KIF1B: variants seen among roughly 807,000 people sequenced by gnomAD.
KIF1B encodes kinesin family member 1B, also known as kinesin-like protein KIF1B.
KIF1B carries 76 observed loss-of-function variants against 241.9 expected under a neutral mutation model. The ratio of observed to expected loss-of-function variants is 0.31; its 90% confidence interval spans 0.26 to 0.38. The LOEUF (loss-of-function observed/expected upper bound fraction) is 0.38. Ranked by LOEUF, KIF1B falls within the 10% of genes least tolerant of loss-of-function variation. KIF1B has a pLI of 1.00. For synonymous variants in KIF1B, 750 were observed against 796.7 expected, an observed-to-expected ratio of 0.94 and a Z score of 0.99; for missense variants, 1,622 against 2,271.4, an observed-to-expected ratio of 0.71 and a Z score of 5.81.
In KIF1B at chr1:10,343,290, G is replaced by T; in HGVS notation, c.3688+3G>T. 1 of 1,614,092 alleles carries T rather than the reference G, an allele frequency of 6.2e-7. No individual in the cohort carries two copies. The highest frequency in any genetic ancestry group is 8.5e-7 in the Non-Finnish European group (1 of 1,179,960). ...ACCCATGCCACTGTCCAAGCCAGGT[G>T]AGCACTCGCTCCGCTTTTTGCATGA... On this transcript the variant is annotated splice_donor_region_variant and intron_variant, in intron 34 of 48. Coordinates refer to ENST00000676179, the MANE Select transcript of KIF1B (RefSeq NM_001365951.3).
chr1:10,365,585 C>T lies in KIF1B; in HGVS notation c.4689C>T (p.Ser1563=). The change falls in exon 43 of 49, where the codon AGC becomes AGT. Residue 1563 remains serine, a synonymous_variant. Transcript: ENST00000676179. The surrounding 1 kb of genome is among the most constrained non-coding windows in gnomAD (Gnocchi z 4.0). Reference sequence around the variant, plus strand: ...AAAGCGCCATCACACCTAGCGAGAGCAGTGGCTATGATTCAGGAGACATCG... The same window carrying T: ...AAAGCGCCATCACACCTAGCGAGAGTAGTGGCTATGATTCAGGAGACATCG... ...TFESAITPSE[S]SGYDSGDIES... 6.2e-7 allele frequency: 1 copy of T among 1,614,174 alleles called. No homozygotes were observed.
At chr1:10,260,821 C>T (rs1199521083) in intron 4 of KIF1B, among the ~76,000 whole-genome samples, 1 of 149,846 alleles carries the variant, frequency 6.7e-6, no homozygotes, top group African/African-American at 2.5e-5. Flanking sequence ...GAGCTGAGAT[C>T]GCGCCATTGC....
intron 32 of KIF1B, 107 bp downstream of exon 32, chr1:10,339,966 G>T (rs1350278594): frequency 3.2e-6 from 3 of 928,870 alleles, no homozygotes; most frequent in Non-Finnish European, 5.2e-6. Context: ...CTGTGCAGGG[G>T]GAGAGTAGAC....
chr1:10,355,924 T>C (rs755037318), intron 38 of KIF1B, among the ~76,000 whole-genome samples: 2 of 152,210 alleles, frequency 1.3e-5, no homozygotes, highest in African/African-American at 2.4e-5. Context: ...CTGTCAGGGC[T>C]GCTTGTTTTA....
At chr1:10,255,338 C>G (rs1178775646) in intron 2 of KIF1B, among the ~76,000 whole-genome samples, 1 of 152,012 alleles carries the variant, frequency 6.6e-6, no homozygotes, top group African/African-American at 2.4e-5. Context: ...GCCTGTAATC[C>G]CAGCAGTTAG....
In KIF1B at chr1:10,378,341, C is replaced by T. The variant is rs1228330591; in HGVS notation, c.*1754C>T. ...ACAGTCTTCTTTCCTTCTGACAGAC[C>T]AGGTCATCTGGCTTCCGAGATCATC... On this transcript the variant is annotated 3_prime_UTR_variant, in exon 49 of 49. Transcript: ENST00000676179. 1.4e-6 allele frequency: 1 copy of T among 717,898 alleles called. No individual in the cohort carries two copies. Among genetic ancestry groups the T allele is most frequent in the Non-Finnish European group, 2.6e-6 (1 of 385,196 alleles). 44.5% of individuals were successfully genotyped at this position (717,898 alleles called of 1,614,324 possible). A position where few individuals can be genotyped will look rare whatever the true frequency, so the allele number is the denominator to read the frequency against.
intron 1 of KIF1B, among the ~76,000 whole-genome samples, chr1:10,231,158 C>T (rs543970770): frequency 5.3e-5 from 8 of 152,150 alleles, no homozygotes; most frequent in Admixed American, 3.9e-4. Flanking sequence ...TGCAGTGAGC[C>T]GAGGTCGTGC....
intron 48 of KIF1B, 56 bp downstream of exon 48, chr1:10,375,429 C>T (rs1259112249): frequency 2.1e-6 from 3 of 1,448,314 alleles, no homozygotes; most frequent in Admixed American, 1.7e-5. Context: ...CACTTTTTCT[C>T]CCTGAAGTGC....
At position 10,304,657 on chromosome 1, in the gene KIF1B, T is replaced by C. The variant is rs772485257; in HGVS notation, c.2115+7411T>C. On this transcript the variant is annotated intron_variant, in intron 22 of 48. Transcript: ENST00000676179. ...AGAAACCACAGTATAAATCAGTTAC[T>C]GGACAAACTTGAAATCATGGTGGAA... is the stretch of plus-strand genomic sequence containing the variant. 19 of 1,613,428 alleles carry C rather than the reference T, an allele frequency of 1.2e-5. No homozygotes were observed. In the African/African-American group the frequency reaches 1.5e-4, roughly 12 times the overall value.
rs1652220563 is a variant in KIF1B, at chr1:10,337,417, G to A, written c.3306G>A (p.Gly1102=). ...TGGATGGTAAGATGGTAATGGAAGG[G>A]TTTTCTGAAGAGATTGGCAACCACC... ...TLLDGKMVME[G]FSEEIGNHLK... Residue 1102 remains glycine, a synonymous_variant, in exon 31 of 49, where the codon GGG becomes GGA. Coordinates refer to ENST00000676179, the MANE Select transcript of KIF1B (RefSeq NM_001365951.3). The surrounding 1 kb of genome is among the most constrained non-coding windows in gnomAD (Gnocchi z 4.0). 6.2e-7 allele frequency: 1 copy of A among 1,614,082 alleles called. No individual in the cohort carries two copies. Among genetic ancestry groups the A allele is most frequent in the Admixed American group, 1.7e-5 (1 of 60,012 alleles).
intron 6 of KIF1B, 104 bp downstream of exon 6, chr1:10,267,662 T>C: frequency 9.2e-7 from 1 of 1,087,130 alleles, no homozygotes; most frequent in African/African-American, 1.6e-5. Context: ...GAAAGTTGCT[T>C]TAATTGTGGA....
At chr1:10,236,044 G>A (rs1306275409) in intron 2 of KIF1B, among the ~76,000 whole-genome samples, 2 of 151,926 alleles carry the variant, frequency 1.3e-5, no homozygotes, top group Admixed American at 1.3e-4. Context: ...AGGCTGACGC[G>A]GATGGATCAC....
At position 10,352,794 on chromosome 1, in the gene KIF1B, C is replaced by T. The variant is rs139805541; in HGVS notation, c.4055+58C>T. The stretch of plus-strand genomic sequence containing the variant: ...CACTTGCAGGCGTTAATTGGTACAC[C>T]GTTAGGTGCCTTATTCATTAATGAC... On this transcript the variant is annotated intron_variant, in intron 38 of 48. Coordinates refer to ENST00000676179, the MANE Select transcript of KIF1B (RefSeq NM_001365951.3). 62 of 1,184,586 alleles carry T rather than the reference C, an allele frequency of 5.2e-5. No homozygotes were observed. In the Middle Eastern group the frequency reaches 7.7e-4, roughly 15 times the overall value. The allele number at this position is 1,184,586 out of a possible 1,614,324, so 73.4% of individuals were successfully genotyped here. A position where few individuals can be genotyped will look rare whatever the true frequency, so the allele number is the denominator to read the frequency against.
Position 10,214,366 on chromosome 1 carries a change from T to G in KIF1B, c.-80+3488T>G, listed in dbSNP as rs368668620. Among the ~76,000 whole-genome samples the G allele has an allele frequency of 1.0e-3, 159 of 152,112 alleles. 2 individuals are homozygous for G. The highest frequency in any genetic ancestry group is 8.3e-3 in the South Asian group (40 of 4,820). On this transcript the variant is annotated intron_variant, in intron 1 of 48. Coordinates refer to ENST00000676179, the MANE Select transcript of KIF1B (RefSeq NM_001365951.3). Reference sequence around the variant, plus strand: ...GTGCATTGGTGTGATCTCAGCTCACTGCAACCTCCGCCTCCCGGGTTCAAA... The same window carrying G: ...GTGCATTGGTGTGATCTCAGCTCACGGCAACCTCCGCCTCCCGGGTTCAAA...
intron 2 of KIF1B, among the ~76,000 whole-genome samples, chr1:10,245,881 A>G (rs1439438439): frequency 2.0e-5 from 3 of 152,134 alleles, no homozygotes; most frequent in East Asian, 3.8e-4. Context: ...TTAGTACCCC[A>G]TACTCTCCTA....
At position 10,303,253 on chromosome 1, in the gene KIF1B, C is replaced by G. The variant is rs1377272919; in HGVS notation, c.2115+6007C>G. On this transcript the variant is annotated intron_variant, in intron 22 of 48. Coordinates refer to ENST00000676179, the MANE Select transcript of KIF1B (RefSeq NM_001365951.3). The surrounding 1 kb of genome is among the most constrained non-coding windows in gnomAD (Gnocchi z 5.2). ...TACTTCTCTGAGAGAAAAGCTACCTCCCAGCAAGTTGCAAACCATTGTTAA... is the reference window on the plus strand; with the variant it reads ...TACTTCTCTGAGAGAAAAGCTACCTGCCAGCAAGTTGCAAACCATTGTTAA... 6.2e-7 allele frequency: 1 copy of G among 1,614,118 alleles called. No individual in the cohort carries two copies. Among genetic ancestry groups the G allele is most frequent in the South Asian group, 1.1e-5 (1 of 91,076 alleles).
chr1:10,262,402 C>T lies in KIF1B; in HGVS notation c.429+432C>T, dbSNP rs538764505. On this transcript the variant is annotated intron_variant, in intron 5 of 48. Coordinates refer to ENST00000676179, the MANE Select transcript of KIF1B (RefSeq NM_001365951.3). The stretch of plus-strand genomic sequence containing the variant: ...TGGGCTCAAGCAATCTTGCCTCCTC[C>T]ACCTCTGAAAGTGCTGGGGTTGCAG... 9.9e-5 allele frequency among the ~76,000 whole-genome samples: 15 copies of T among 152,276 alleles called. No homozygotes were observed. The South Asian group carries it at 1.0e-3, about 11-fold the overall frequency.
intron 34 of KIF1B, 103 bp downstream of exon 34, chr1:10,343,390 T>C: frequency 9.4e-7 from 1 of 1,068,082 alleles, no homozygotes; most frequent in Non-Finnish European, 1.4e-6. Context: ...CCTATTCTTC[T>C]ATATATCCAC....
intron 14 of KIF1B, 96 bp from the exon 15 acceptor site, chr1:10,282,226 C>G: frequency 2.0e-6 from 2 of 998,516 alleles, no homozygotes; most frequent in Non-Finnish European, 3.0e-6. Flanking sequence ...TAATGCTGTC[C>G]TTTCTTACAA....
Sources: gnomAD v4.1 joint callset for allele counts (sites outside exome capture counted in the v4.1 genomes callset) on GRCh38, gnomAD v4.1.1 for gene constraint, Gnocchi (gnomAD v3.1) non-coding constraint, MANE v1.5 for transcripts, NCBI Gene and HGNC (gene_info 2026-07-23, HGNC 2026-07-21) for gene names.